Variants in PTPRD observed in about 807,000 individuals in gnomAD.
PTPRD encodes receptor-type tyrosine-protein phosphatase delta.
In PTPRD, 34 loss-of-function variants were observed where a neutral mutation model predicts 214.5. The ratio of observed to expected loss-of-function variants is 0.16; its 90% CI spans 0.12 to 0.21. The LOEUF is 0.21. Ranked by LOEUF, PTPRD falls within the 10% of genes least tolerant of loss-of-function variation. The pLI is 1.00. For synonymous variants in PTPRD, 1,128 were observed against 845.7 expected (o/e 1.33, Z -5.79); for missense variants, 2,545 against 2,398.7 (o/e 1.06, Z -1.27).
intron 32 of PTPRD, 75 bp from the exon 33 acceptor site, chr9:8,460,646 CA>C: frequency 1.4e-6 from 2 of 1,427,356 alleles, no homozygotes; most frequent in Non-Finnish European, 1.9e-6. Flanking sequence ...TTAGAAGAAG[CA>C]AAAAATCCAG....
At chr9:9,376,363 C>T (rs1417919035) in intron 9 of PTPRD, among the ~76,000 whole-genome samples, 1 of 152,106 alleles carries the variant, frequency 6.6e-6, no homozygotes, top group Non-Finnish European at 1.5e-5. Context: ...CTATAGACAA[C>T]TTAATCAGTG....
intron 3 of PTPRD, among the ~76,000 whole-genome samples, chr9:10,179,965 G>A (rs980623051): frequency 7.2e-5 from 11 of 151,968 alleles, no homozygotes; most frequent in East Asian, 3.9e-4. Context: ...GGGAAAATAT[G>A]TCATAAATAA....
rs538033314 is a variant in PTPRD at position 8,953,065 on chromosome 9, G to T, written c.-104+65632C>A. Among the ~76,000 whole-genome samples the T allele has an allele frequency of 1.4e-3, 208 of 151,828 alleles. 1 individual carries two copies. Among genetic ancestry groups the T allele is most frequent in the African/African-American group, 4.7e-3 (195 of 41,438 alleles). On this transcript the variant is annotated intron_variant, in intron 11 of 45. Coordinates refer to ENST00000381196, the MANE Select transcript of PTPRD (RefSeq NM_002839.4). ...ATATAAAGCAACGAATTATATTTTA[G>T]AATAGTTTTTTTTTTTAGATAAAAT...
chr9:8,837,114 C>A (rs1368768683), intron 11 of PTPRD, among the ~76,000 whole-genome samples: 1 of 151,224 alleles, frequency 6.6e-6, no homozygotes, highest in Admixed American at 6.6e-5. Context: ...CAACCTCCGC[C>A]TTCCAGGTTC....
chr9:10,468,488 G>A (rs555611022), intron 2 of PTPRD, among the ~76,000 whole-genome samples: 4 of 151,932 alleles, frequency 2.6e-5, no homozygotes, highest in Non-Finnish European at 5.9e-5. Context: ...CATCACACAC[G>A]GGCCTGTTGG....
intron 14 of PTPRD, among the ~76,000 whole-genome samples, chr9:8,584,587 C>T (rs1031378532): frequency 1.3e-5 from 2 of 152,156 alleles, no homozygotes; most frequent in South Asian, 2.1e-4. Flanking sequence ...ATCATTCATG[C>T]ACTCATGCTT....
rs139613939 is a variant in PTPRD at position 10,343,978 on chromosome 9, G to GTTTTTTTTTTTTTTTT, written c.-599-2977_-599-2962dup. On this transcript the variant is annotated intron_variant, in intron 2 of 45. Transcript: ENST00000381196. ...AGGTTGCCTGTTCATTCTGATGGTA[G>GTTTTTTTTTTTTTTTT]TTTTTTTTTTTTTTTTTTTTTTTTT... Among the ~76,000 whole-genome samples, 8 of 31,678 alleles carry GTTTTTTTTTTTTTTTT rather than the reference G, an allele frequency of 2.5e-4. 2 individuals are homozygous for GTTTTTTTTTTTTTTTT. The highest frequency in any genetic ancestry group is 1.1e-3 in the African/African-American group (8 of 7,584). 20.8% of individuals were successfully genotyped at this position (31,678 alleles called of 152,430 possible).
At chr9:10,174,288 C>CT (rs946346099) in intron 3 of PTPRD, among the ~76,000 whole-genome samples, 3 of 152,086 alleles carry the variant, frequency 2.0e-5, no homozygotes, top group African/African-American at 7.2e-5. Context: ...TGAGTGAGTT[C>CT]TCACCCAATT....
chr9:9,386,188 C>A (rs189630247), intron 9 of PTPRD, among the ~76,000 whole-genome samples: 2 of 152,098 alleles, frequency 1.3e-5, no homozygotes, highest in African/African-American at 4.8e-5. Flanking sequence ...CAATGACATG[C>A]ATCTTCTAGA....
chr9:10,555,609 T>C (rs1193437369), intron 2 of PTPRD, among the ~76,000 whole-genome samples: 1 of 152,172 alleles, frequency 6.6e-6, no homozygotes, highest in African/African-American at 2.4e-5. Flanking sequence ...ATACTCAACA[T>C]TCTAATTACC....
intron 5 of PTPRD, among the ~76,000 whole-genome samples, chr9:9,870,354 A>T (rs1272747132): frequency 1.3e-5 from 2 of 151,918 alleles, no homozygotes; most frequent in African/African-American, 2.4e-5. Context: ...GAAATAAAAT[A>T]ATGAAGTTAA....
chr9:9,953,799 G>C (rs1187183711), intron 4 of PTPRD, among the ~76,000 whole-genome samples: 3 of 152,068 alleles, frequency 2.0e-5, no homozygotes, highest in African/African-American at 4.8e-5. Context: ...ATGCTACATA[G>C]CTCACTCTTC....
chr9:8,790,690 G>T (rs1407738001), intron 11 of PTPRD, among the ~76,000 whole-genome samples: 5 of 151,778 alleles, frequency 3.3e-5, no homozygotes, highest in African/African-American at 1.2e-4. Flanking sequence ...ATTTTTTAGT[G>T]TGGATTGAGG....
At chr9:10,029,225 G>C (rs1271455273) in intron 4 of PTPRD, among the ~76,000 whole-genome samples, 1 of 152,166 alleles carries the variant, frequency 6.6e-6, no homozygotes, top group African/African-American at 2.4e-5. Context: ...CTGCAGGGGT[G>C]GGGTGCTCAT....
chr9:9,192,946 T>C (rs1053367591), intron 9 of PTPRD, among the ~76,000 whole-genome samples: 7 of 152,058 alleles, frequency 4.6e-5, no homozygotes, highest in African/African-American at 1.7e-4. Flanking sequence ...CACCCTGCAA[T>C]CATTTTGCAT....
chr9:10,603,044 C>T (rs371031382), intron 2 of PTPRD, among the ~76,000 whole-genome samples: 16 of 151,812 alleles, frequency 1.1e-4, no homozygotes, highest in African/African-American at 3.4e-4. Context: ...TCAAGTACAA[C>T]AAGGTGTTTA....
chr9:9,404,201 G>C (rs2072200620), intron 8 of PTPRD, among the ~76,000 whole-genome samples: 1 of 152,096 alleles, frequency 6.6e-6, no homozygotes, highest in South Asian at 2.1e-4. Context: ...GCAATGCAAA[G>C]TCATTGGAGG....
chr9:10,212,752 G>C (rs971057469), intron 3 of PTPRD, among the ~76,000 whole-genome samples: 4 of 152,136 alleles, frequency 2.6e-5, no homozygotes, highest in Non-Finnish European at 5.9e-5. Context: ...TCAAGAGGAA[G>C]ACAGTGATTT....
intron 9 of PTPRD, among the ~76,000 whole-genome samples, chr9:9,187,013 A>G (rs2099932058): frequency 6.6e-6 from 1 of 151,052 alleles, no homozygotes; most frequent in Admixed American, 6.6e-5. Context: ...AATAATTAAA[A>G]CATTTCACAC....
Sources: allele counts gnomAD v4.1 joint callset (sites outside exome capture counted in the v4.1 genomes callset), GRCh38; gene constraint gnomAD v4.1.1; transcripts MANE v1.5; gene names NCBI Gene and HGNC (gene_info 2026-07-23, HGNC 2026-07-21).